Variants in ATXN1 observed in about 807,000 individuals in gnomAD.
ATXN1 encodes the protein ataxin-1.
ATXN1 carries 8 observed loss-of-function variants against 56.4 expected under a neutral mutation model. The observed-to-expected ratio is 0.14, with a 90% confidence interval of 0.08 to 0.26. ATXN1 has a LOEUF of 0.26. Among genes scored for constraint, ATXN1 ranks in the 10% least tolerant of loss-of-function variants. The pLI is 1.00. For synonymous variants in ATXN1, 514 were observed against 494.6 expected, an observed-to-expected ratio of 1.04 and a Z score of -0.52; for missense variants, 987 against 1,106.5, an observed-to-expected ratio of 0.89 and a Z score of 1.53.
intron 6 of ATXN1, among the ~76,000 whole-genome samples, chr6:16,445,973 G>T (rs535064954): frequency 6.6e-6 from 1 of 151,790 alleles, no homozygotes; most frequent in African/African-American, 2.4e-5. Context: ...GAATAGTGCC[G>T]CCATAAACAT....
intron 3 of ATXN1, among the ~76,000 whole-genome samples, chr6:16,586,329 C>A (rs984879450): frequency 6.6e-6 from 1 of 152,208 alleles, no homozygotes; most frequent in African/African-American, 2.4e-5. Context: ...TCTAAGACTC[C>A]TTCTAGCCAC....
intron 6 of ATXN1, among the ~76,000 whole-genome samples, chr6:16,399,086 A>G (rs1228377405): frequency 6.6e-6 from 1 of 152,222 alleles, no homozygotes; most frequent in Admixed American, 6.5e-5. Flanking sequence ...AACCATCACA[A>G]AGGCAAAAAC....
At chr6:16,373,904 C>T (rs947503990) in intron 6 of ATXN1, among the ~76,000 whole-genome samples, 2 of 152,142 alleles carry the variant, frequency 1.3e-5, no homozygotes, top group Non-Finnish European at 2.9e-5. Flanking sequence ...ACCTGTTTCT[C>T]CTCTACTTCC....
chr6:16,386,952 G>A (rs952311793), intron 6 of ATXN1, among the ~76,000 whole-genome samples: 1 of 152,146 alleles, frequency 6.6e-6, no homozygotes, highest in African/African-American at 2.4e-5. Flanking sequence ...GATTACAGGC[G>A]TGAACTACCG....
intron 6 of ATXN1, among the ~76,000 whole-genome samples, chr6:16,348,470 G>T (rs931357551): frequency 6.6e-6 from 1 of 152,092 alleles, no homozygotes; most frequent in African/African-American, 2.4e-5. Context: ...GGCCGAGGGG[G>T]GGCAGATCAT....
chr6:16,308,347 C>T (rs1276839060), intron 7 of ATXN1, among the ~76,000 whole-genome samples: 1 of 151,742 alleles, frequency 6.6e-6, no homozygotes, highest in Non-Finnish European at 1.5e-5. Context: ...CACACACACA[C>T]ACACACACAC....
rs73724837 is a variant in ATXN1, at chr6:16,337,799, C to G, written c.-160-9329G>C. ...TTAGTGGTTCTCATCCCAGTCCAGA[C>G]TAACTTGTTTCAAAGTGAGAGGAAG... On this transcript the variant is annotated intron_variant, in intron 6 of 7. Transcript: ENST00000436367. Among the ~76,000 whole-genome samples, 185 of 152,282 alleles carry G rather than the reference C, an allele frequency of 1.2e-3. 1 individual carries two copies. The highest frequency in any genetic ancestry group is 4.3e-3 in the African/African-American group (179 of 41,564).
At chr6:16,451,452 G>A (rs538684915) in intron 6 of ATXN1, among the ~76,000 whole-genome samples, 12 of 152,044 alleles carry the variant, frequency 7.9e-5, no homozygotes, top group East Asian at 1.9e-4. Context: ...GCGACAGAGC[G>A]AGACTCCGTC....
chr6:16,624,475 A>G (rs1456719890), intron 3 of ATXN1, among the ~76,000 whole-genome samples: 1 of 152,046 alleles, frequency 6.6e-6, no homozygotes, highest in Non-Finnish European at 1.5e-5. Context: ...TTTATAGTGT[A>G]TGCCTTTTGC....
chr6:16,436,990 G>A lies in ATXN1; in HGVS notation c.-161+48982C>T, dbSNP rs781380775. 3.9e-5 allele frequency among the ~76,000 whole-genome samples: 6 copies of A among 152,280 alleles called. No homozygotes were observed. The East Asian group carries it at 5.8e-4, about 15-fold the overall frequency. On this transcript the variant is annotated intron_variant, in intron 6 of 7. Transcript: ENST00000436367. ...GAGAAAAAGAGGCATCAAGGACAAC[G>A]TCAACAACTGTGGCCTGAGTAACTG...
intron 6 of ATXN1, among the ~76,000 whole-genome samples, chr6:16,348,305 T>C (rs887370492): frequency 2.6e-5 from 4 of 152,120 alleles, no homozygotes; most frequent in Non-Finnish European, 4.4e-5. Context: ...GCTTAAGCGA[T>C]CCTCCCATTT....
intron 6 of ATXN1, among the ~76,000 whole-genome samples, chr6:16,370,113 G>A (rs1762008459): frequency 6.6e-6 from 1 of 152,068 alleles, no homozygotes; most frequent in Admixed American, 6.6e-5. Context: ...GCTCCTCCCA[G>A]GAATCCTGCA....
intron 6 of ATXN1, among the ~76,000 whole-genome samples, chr6:16,412,688 TTGAAGGGTAC>T (rs1362728338): frequency 1.3e-5 from 2 of 152,116 alleles, no homozygotes; most frequent in Non-Finnish European, 2.9e-5. Context: ...CCTAAGAAAT[TTGAAGGGTAC>T]GCAAAATCCA....
At chr6:16,619,331 T>C (rs868198082) in intron 3 of ATXN1, among the ~76,000 whole-genome samples, 1 of 152,152 alleles carries the variant, frequency 6.6e-6, no homozygotes, top group South Asian at 2.1e-4. Context: ...AAGATATATA[T>C]GTTCAAGAAG....
chr6:16,714,589 A>G (rs1759600404), intron 2 of ATXN1, among the ~76,000 whole-genome samples: 1 of 152,214 alleles, frequency 6.6e-6, no homozygotes, highest in Non-Finnish European at 1.5e-5. Context: ...CTAAGCATCA[A>G]TATATAAATA....
chr6:16,479,561 T>C (rs1383702080), intron 6 of ATXN1, among the ~76,000 whole-genome samples: 1 of 152,214 alleles, frequency 6.6e-6, no homozygotes, highest in Non-Finnish European at 1.5e-5. Context: ...TTTCTATTTG[T>C]CTGTTTACAT....
rs886380309 is a variant in ATXN1 at position 16,304,511 on chromosome 6, C to T, written c.*1818G>A. On this transcript the variant is annotated 3_prime_UTR_variant, in exon 8 of 8. Coordinates refer to ENST00000436367, the MANE Select transcript of ATXN1 (RefSeq NM_001128164.2). ...AAGTAATTGTTTAAAAAAAATCTTG[C>T]TCACATATATAAATGTCTTTATGGA... is the stretch of plus-strand genomic sequence containing the variant. 6.6e-6 allele frequency: 1 copy of T among 152,344 alleles called. No homozygotes were observed. The highest frequency in any genetic ancestry group is 1.5e-5 in the Non-Finnish European group (1 of 67,980). 9.4% of individuals were successfully genotyped at this position (152,344 alleles called of 1,614,324 possible). A position where few individuals can be genotyped will look rare whatever the true frequency, so the allele number is the denominator to read the frequency against.
chr6:16,485,979 A>T lies in ATXN1; in HGVS notation c.-168T>A, dbSNP rs1263362085. On this transcript the variant is annotated 5_prime_UTR_variant, in exon 6 of 8. It removes the in-frame stop codon of an upstream open reading frame in the 5' UTR. Transcript: ENST00000436367. ...TCTTGGTTGTTAACTTACAACATTC[A>T]CTGCGTACTGTTCACAGGTAGCCTC... 2 of 152,210 alleles carry T rather than the reference A, an allele frequency of 1.3e-5. No homozygotes were observed. Among genetic ancestry groups the T allele is most frequent in the African/African-American group, 4.8e-5 (2 of 41,438 alleles). The allele number at this position is 152,210 out of a possible 1,614,324, so 9.4% of individuals were successfully genotyped here. A position where few individuals can be genotyped will look rare whatever the true frequency, so the allele number is the denominator to read the frequency against.
chr6:16,628,816 C>A (rs1384662765), intron 3 of ATXN1, among the ~76,000 whole-genome samples: 1 of 152,190 alleles, frequency 6.6e-6, no homozygotes, highest in African/African-American at 2.4e-5. Flanking sequence ...TTTATGGCTG[C>A]ATAGTATTCC....
Sources: allele counts gnomAD v4.1 joint callset (sites outside exome capture counted in the v4.1 genomes callset), GRCh38; gene constraint gnomAD v4.1.1; transcripts MANE v1.5; gene names NCBI Gene and HGNC (gene_info 2026-07-23, HGNC 2026-07-21).